Variants in ATP10B observed in about 807,000 individuals in gnomAD.
The protein encoded by ATP10B is ATPase phospholipid transporting 10B (putative).
A neutral mutation model predicts 141.2 loss-of-function variants in ATP10B; 122 were observed. That is an observed-to-expected ratio of 0.86 (90% confidence interval 0.75 to 1.00). The LOEUF (loss-of-function observed/expected upper bound fraction) is 1.00. Among genes scored for constraint, ATP10B ranks in the 50% least tolerant of loss-of-function variants. ATP10B has a pLI of 0.00. For missense variants in ATP10B, 1,876 were observed against 1,825.3 expected (o/e 1.03, Z -0.51); for synonymous variants, 685 against 692.0 (o/e 0.99, Z 0.16).
At chr5:160,766,776 GAATA>G (rs1408912729) in intron 2 of ATP10B, among the ~76,000 whole-genome samples, 13 of 152,166 alleles carry the variant, frequency 8.5e-5, no homozygotes, top group African/African-American at 2.2e-4. Context: ...CATGATCTTA[GAATA>G]AATAATCATC....
rs373310165 is a variant in ATP10B at position 160,620,725 on chromosome 5, A to C, written c.2038T>G (p.Tyr680Asp). The C allele has an allele frequency of 1.3e-4, 206 of 1,614,074 alleles. No individual in the cohort carries two copies. Among genetic ancestry groups the C allele is most frequent in the Non-Finnish European group, 1.7e-4 (199 of 1,180,030 alleles). The stretch of plus-strand genomic sequence containing the variant: ...CCCTGGTCCCACATGCTGCTCCTGT[A>C]GCCACCGTCATCAGTGGAGTCACCT... The part of the protein sequence containing the change: ...SGGDSTDDGG[Y>D]RSSMWDQGDI... Residue 680 changes from tyrosine to aspartate, a missense_variant, in exon 15 of 26, where the codon TAC (tyrosine) becomes GAC (aspartate). Physicochemically the swap from Tyr to Asp is radical, Grantham distance 160. Transcript: ENST00000327245.
intron 3 of ATP10B, among the ~76,000 whole-genome samples, chr5:160,708,980 C>T (rs1481921530): frequency 1.3e-5 from 2 of 151,734 alleles, no homozygotes; most frequent in Non-Finnish European, 2.9e-5. Context: ...TGTAGATATG[C>T]GAGCTAGTTA....
intron 1 of ATP10B, among the ~76,000 whole-genome samples, chr5:160,787,257 C>T (rs1771235789): frequency 6.6e-6 from 1 of 152,144 alleles, no homozygotes. Flanking sequence ...TGCATTCCCA[C>T]ACAAGGACAC....
At chr5:160,868,598 G>T in the ATP10B span, among the ~76,000 whole-genome samples, 1 of 149,706 alleles carries the variant, frequency 6.7e-6, no homozygotes, top group African/African-American at 2.5e-5. Context: ...TGACCTGGAA[G>T]TCAGAGATTG....
At chr5:160,599,920 C>T (rs1756992019) in intron 21 of ATP10B, among the ~76,000 whole-genome samples, 1 of 152,304 alleles carries the variant, frequency 6.6e-6, no homozygotes, top group African/African-American at 2.4e-5. Flanking sequence ...TGCAAGAAAT[C>T]ATTCAGCAGG....
chr5:160,632,444 G>A lies in ATP10B; in HGVS notation c.1382-77C>T. 3 of 1,391,912 alleles carry A rather than the reference G, an allele frequency of 2.2e-6. No individual in the cohort carries two copies. The East Asian group carries it at 6.9e-5, about 32-fold the overall frequency. The allele number at this position is 1,391,912 out of a possible 1,614,324, so 86.2% of individuals were successfully genotyped here. On this transcript the variant is annotated intron_variant, in intron 12 of 25. Coordinates refer to ENST00000327245, the MANE Select transcript of ATP10B (RefSeq NM_025153.3). ...GTTGGGGAAAACCTAGACTTTGTGTGGGGGGTGGTAAGAGCATGGGAAGGG... is the reference window on the plus strand; with the variant it reads ...GTTGGGGAAAACCTAGACTTTGTGTAGGGGGTGGTAAGAGCATGGGAAGGG...
At chr5:160,655,482 G>A (rs1350940189) in intron 7 of ATP10B, among the ~76,000 whole-genome samples, 1 of 152,064 alleles carries the variant, frequency 6.6e-6, no homozygotes, top group Non-Finnish European at 1.5e-5. Context: ...TAATAACCTT[G>A]TTTTTGCAGG....
In ATP10B at chr5:160,622,501, G is replaced by A. The variant is rs560251812; in HGVS notation, c.1705C>T (p.Pro569Ser). Residue 569 changes from proline to serine, a missense_variant, in exon 14 of 26, where the codon CCT (proline) becomes TCT (serine). Physicochemically the swap from Pro to Ser is moderately conservative, Grantham distance 74 (BLOSUM62 -1). Coordinates refer to ENST00000327245, the MANE Select transcript of ATP10B (RefSeq NM_025153.3). ...GTGGTGGAGAGGGAAGCCTTGGCAG[G>A]TCTGCTGTCTGACAAGGTCTCCAAC... Reference protein sequence around the residue: ...LWLETLSDSRPAKASLSTTSS... With the variant: ...LWLETLSDSRSAKASLSTTSS... The A allele has an allele frequency of 9.8e-4, 1,579 of 1,614,088 alleles. 26 individuals carry two copies. The South Asian group carries it at 0.016, about 17-fold the overall frequency.
rs778018431 is a variant in ATP10B at position 160,634,405 on chromosome 5, C to T, written c.1330G>A (p.Val444Met). Residue 444 changes from valine to methionine, a missense_variant, in exon 12 of 26, where the codon GTG becomes ATG. Coordinates refer to ENST00000327245, the MANE Select transcript of ATP10B (RefSeq NM_025153.3). Reference protein sequence around the residue: ...KTGTLTENKMVFRRCTIMGSE... With the variant: ...KTGTLTENKMMFRRCTIMGSE... Reference sequence around the variant, plus strand: ...CCCATGATGGTGCAACGTCGGAACACCATCTTGTTCTCTGTCAGGGTCCCC... The same window carrying T: ...CCCATGATGGTGCAACGTCGGAACATCATCTTGTTCTCTGTCAGGGTCCCC... 1.2e-6 allele frequency: 2 copies of T among 1,614,160 alleles called. No homozygotes were observed. Among genetic ancestry groups the T allele is most frequent in the South Asian group, 1.1e-5 (1 of 91,072 alleles).
At chr5:160,647,328 T>C (rs1760363705) in intron 8 of ATP10B, among the ~76,000 whole-genome samples, 1 of 152,100 alleles carries the variant, frequency 6.6e-6, no homozygotes, top group African/African-American at 2.4e-5. Context: ...TCTTGCTGAG[T>C]ACAGCAAGGA....
At chr5:160,608,241 G>A (rs763784463) in intron 18 of ATP10B, among the ~76,000 whole-genome samples, 8 of 152,060 alleles carry the variant, frequency 5.3e-5, no homozygotes, top group African/African-American at 7.2e-5. Context: ...CATCCATGTC[G>A]CTACAAAGGA....
rs1235947692 is a variant in ATP10B, at chr5:160,648,674, A to G, written c.761+497T>C. Among the ~76,000 whole-genome samples the G allele has an allele frequency of 2.6e-5, 4 of 152,264 alleles. No homozygotes were observed. In the South Asian group the frequency reaches 6.2e-4, roughly 24 times the overall value. ...GTATGCTGACAATCTTAGAAAAGAAAAACCCTTTGATATAGATATTATAAT... is the reference window on the plus strand; with the variant it reads ...GTATGCTGACAATCTTAGAAAAGAAGAACCCTTTGATATAGATATTATAAT... On this transcript the variant is annotated intron_variant, in intron 8 of 25. Transcript: ENST00000327245.
intron 1 of ATP10B, among the ~76,000 whole-genome samples, chr5:160,787,401 C>T (rs1299881257): frequency 6.6e-6 from 1 of 152,124 alleles, no homozygotes; most frequent in Non-Finnish European, 1.5e-5. Context: ...CCCTAACCTT[C>T]CTACAACCTG....
chr5:160,788,840 A>ACCAT (rs1771363269), intron 1 of ATP10B, among the ~76,000 whole-genome samples: 1 of 152,098 alleles, frequency 6.6e-6, no homozygotes, highest in Non-Finnish European at 1.5e-5. Context: ...CTATCCATCC[A>ACCAT]CCATCCATCC....
chr5:160,654,293 G>A (rs1202557335), intron 7 of ATP10B, among the ~76,000 whole-genome samples: 1 of 151,902 alleles, frequency 6.6e-6, no homozygotes, highest in Admixed American at 6.6e-5. Flanking sequence ...TTGTTCAGGA[G>A]TTTCTGATTC....
chr5:160,625,704 A>G (rs1183600396), intron 13 of ATP10B, among the ~76,000 whole-genome samples: 1 of 152,186 alleles, frequency 6.6e-6, no homozygotes, highest in Admixed American at 6.5e-5. Flanking sequence ...GCTTCAAGTT[A>G]TTTAGTCCAT....
At chr5:160,825,271 T>G (rs1774498658) in intron 1 of ATP10B, among the ~76,000 whole-genome samples, 1 of 152,222 alleles carries the variant, frequency 6.6e-6, no homozygotes, top group South Asian at 2.1e-4. Flanking sequence ...AATCTCATCT[T>G]GAATTGTAGC....
At chr5:160,722,924 G>A (rs1248893261) in intron 2 of ATP10B, among the ~76,000 whole-genome samples, 2 of 152,182 alleles carry the variant, frequency 1.3e-5, no homozygotes, top group Admixed American at 1.3e-4. Flanking sequence ...ATTGATTTCA[G>A]CTTCATACAG....
intron 24 of ATP10B, among the ~76,000 whole-genome samples, chr5:160,573,605 C>T (rs1219051439): frequency 6.6e-6 from 1 of 152,112 alleles, no homozygotes; most frequent in Non-Finnish European, 1.5e-5. Flanking sequence ...CTCATAGGAG[C>T]ACGAGAACTC....
Sources: gnomAD v4.1 joint callset for allele counts (sites outside exome capture counted in the v4.1 genomes callset) on GRCh38, gnomAD v4.1.1 for gene constraint, MANE v1.5 for transcripts, NCBI Gene and HGNC (gene_info 2026-07-23, HGNC 2026-07-21) for gene names.